The following CIMIP2A variants were observed in gnomAD, a reference collection of about 807,000 sequenced individuals.
CIMIP2A encodes family with sequence similarity 166 member A.
chr9:137,247,254 C>A, the CIMIP2A span, among the ~76,000 whole-genome samples: 1 of 152,210 alleles, frequency 6.6e-6, no homozygotes, highest in Non-Finnish European at 1.5e-5. Flanking sequence ...CATTGCATTC[C>A]AGCCTGGGTA....
At chr9:137,251,810 G>A in the CIMIP2A span, 5 of 1,601,654 alleles carry the variant, frequency 3.1e-6, no homozygotes, top group Admixed American at 1.7e-5. Context: ...CCCCAAAGAT[G>A]AAGGAGATCC....
the CIMIP2A span, among the ~76,000 whole-genome samples, chr9:137,254,618 A>C: frequency 1.3e-5 from 2 of 152,244 alleles, no homozygotes; most frequent in African/African-American, 4.8e-5. Context: ...CGGAGACCGA[A>C]AAGAGAGAGG....
the CIMIP2A span, chr9:137,253,618 G>A: frequency 2.6e-6 from 2 of 771,328 alleles, no homozygotes; most frequent in Non-Finnish European, 3.7e-6. Context: ...CTTCTCTAGG[G>A]TGGCAGCCTG....
At chr9:137,253,081 C>A in the CIMIP2A span, 1 of 1,543,256 alleles carries the variant, frequency 6.5e-7, no homozygotes, top group Non-Finnish European at 8.8e-7. Context: ...GGGGCTGCTA[C>A]CTGGGTGGGG....
chr9:137,244,907 C>T, the CIMIP2A span: 306 of 1,589,922 alleles, frequency 1.9e-4, no homozygotes, highest in East Asian at 7.7e-4. Context: ...GGCACCGCCT[C>T]GTCTTGGGAA....
At chr9:137,249,987 T>G in the CIMIP2A span, among the ~76,000 whole-genome samples, 1 of 151,072 alleles carries the variant, frequency 6.6e-6, no homozygotes, top group South Asian at 2.1e-4. Context: ...TGCCCCTATC[T>G]GTGTCTGGAG....
chr9:137,252,061 A>G, the CIMIP2A span: 4 of 1,613,098 alleles, frequency 2.5e-6, no homozygotes, highest in Non-Finnish European at 2.5e-6. Context: ...ACCAGGTACC[A>G]GGTGCCGAGC....
At chr9:137,254,004 C>A in the CIMIP2A span, among the ~76,000 whole-genome samples, 1 of 152,244 alleles carries the variant, frequency 6.6e-6, no homozygotes, top group African/African-American at 2.4e-5. Flanking sequence ...CCTGCAACTT[C>A]GCCTGGCTGG....
the CIMIP2A span, chr9:137,245,389 G>A: frequency 1.2e-6 from 2 of 1,613,470 alleles, no homozygotes; most frequent in Non-Finnish European, 8.5e-7. Context: ...CAAGTCTCTG[G>A]AGTCTCCCTT....
the CIMIP2A span, chr9:137,250,344 C>G: frequency 2.6e-5 from 4 of 152,354 alleles, no homozygotes; most frequent in Non-Finnish European, 4.4e-5. Flanking sequence ...GGCAGCCAGT[C>G]AACTCTGAAC....
the CIMIP2A span, chr9:137,253,272 C>T: frequency 4.4e-6 from 7 of 1,592,352 alleles, no homozygotes; most frequent in East Asian, 4.6e-5. Context: ...CCTGCTTGGC[C>T]CGGCCACCGA....
chr9:137,243,663 A>G, the CIMIP2A span: 9 of 1,613,918 alleles, frequency 5.6e-6, no homozygotes, highest in East Asian at 2.2e-5. Context: ...TTCCCTGTCC[A>G]CATCCATGCT....
chr9:137,243,747 G>A, the CIMIP2A span: 16 of 1,613,990 alleles, frequency 9.9e-6, no homozygotes, highest in African/African-American at 2.7e-5. Flanking sequence ...TAGGCCCTCC[G>A]GGTGCTGTTG....
At chr9:137,252,684 A>G in the CIMIP2A span, 1 of 1,549,870 alleles carries the variant, frequency 6.5e-7, no homozygotes, top group Admixed American at 2.0e-5. Flanking sequence ...GCCCACTACC[A>G]GCTGCTCAGC....
At chr9:137,253,002 G>C in the CIMIP2A span, 1 of 1,556,728 alleles carries the variant, frequency 6.4e-7, no homozygotes, top group Admixed American at 1.8e-5. Flanking sequence ...TAGGGATGGG[G>C]CATGGGTGGG....
chr9:137,251,185 C>A, the CIMIP2A span: 79 of 899,560 alleles, frequency 8.8e-5, no homozygotes, highest in South Asian at 1.0e-3. Flanking sequence ...CCCTCCAGGG[C>A]CAGACAATGT....
chr9:137,247,641 C>T, the CIMIP2A span: 2 of 1,611,254 alleles, frequency 1.2e-6, no homozygotes, highest in South Asian at 1.1e-5. Context: ...CAGCCACCTC[C>T]AGAGCTCCCG....
the CIMIP2A span, chr9:137,253,381 C>G: frequency 2.1e-5 from 32 of 1,514,772 alleles, no homozygotes; most frequent in South Asian, 3.8e-4. Context: ...ATGCACCCTT[C>G]TGGCTGGCCA....
At chr9:137,244,152 C>T in the CIMIP2A span, 1 of 1,612,530 alleles carries the variant, frequency 6.2e-7, no homozygotes, top group Non-Finnish European at 8.5e-7. Flanking sequence ...GTCCATGTGA[C>T]CCTGCCCACT....
Sources: allele counts gnomAD v4.1 joint callset (sites outside exome capture counted in the v4.1 genomes callset), GRCh38; gene constraint gnomAD v4.1.1; transcripts MANE v1.5; gene names NCBI Gene and HGNC (gene_info 2026-07-23, HGNC 2026-07-21).